The following BMAL2 variants were observed in gnomAD, a reference collection of about 807,000 sequenced individuals.
BMAL2 encodes basic helix-loop-helix ARNT-like protein 2.
the BMAL2 span, chr12:27,416,011 G>A: frequency 8.7e-7 from 1 of 1,146,336 alleles, no homozygotes; most frequent in Non-Finnish European, 1.3e-6. Context: ...GCCCCTTGTT[G>A]ATTATTTCTT....
the BMAL2 span, among the ~76,000 whole-genome samples, chr12:27,419,081 G>A: frequency 6.6e-6 from 1 of 151,718 alleles, no homozygotes. Context: ...TTAAAACCAA[G>A]GTATTTCTAT....
chr12:27,425,135 A>G, the BMAL2 span: 1 of 152,104 alleles, frequency 6.6e-6, no homozygotes, highest in Non-Finnish European at 1.5e-5. Context: ...TTTGTCTTTT[A>G]TACAATTTTT....
chr12:27,378,638 T>G, the BMAL2 span, among the ~76,000 whole-genome samples: 1 of 152,218 alleles, frequency 6.6e-6, no homozygotes, highest in African/African-American at 2.4e-5. Context: ...GGCCTATAAT[T>G]AGGGAATCTG....
chr12:27,347,283 G>A, the BMAL2 span, among the ~76,000 whole-genome samples: 6 of 152,106 alleles, frequency 3.9e-5, no homozygotes, highest in Non-Finnish European at 5.9e-5. Flanking sequence ...AAGATTACAC[G>A]CTGCATTTTC....
At chr12:27,373,492 A>T in the BMAL2 span, among the ~76,000 whole-genome samples, 1 of 152,148 alleles carries the variant, frequency 6.6e-6, no homozygotes, top group Non-Finnish European at 1.5e-5. Flanking sequence ...ACTTGAACTG[A>T]TGATGTGGGT....
chr12:27,390,460 A>T, the BMAL2 span: 15 of 481,750 alleles, frequency 3.1e-5, no homozygotes, highest in Non-Finnish European at 3.6e-5. Flanking sequence ...CCAAGATTTT[A>T]ATGGTGTTAT....
the BMAL2 span, chr12:27,380,250 A>G: frequency 1.9e-6 from 3 of 1,613,970 alleles, no homozygotes; most frequent in Non-Finnish European, 2.5e-6. Flanking sequence ...CTCTTAGAGA[A>G]GCTCATAGCC....
the BMAL2 span, among the ~76,000 whole-genome samples, chr12:27,405,124 C>G: frequency 6.6e-6 from 1 of 152,192 alleles, no homozygotes; most frequent in African/African-American, 2.4e-5. Flanking sequence ...TTGGAGCCCA[C>G]CGCAGCTCAA....
chr12:27,419,065 A>G, the BMAL2 span, among the ~76,000 whole-genome samples: 5 of 152,186 alleles, frequency 3.3e-5, no homozygotes, highest in Non-Finnish European at 7.3e-5. Context: ...TAAATACACA[A>G]TTTAATTAAA....
the BMAL2 span, among the ~76,000 whole-genome samples, chr12:27,366,051 G>C: frequency 1.2e-4 from 18 of 151,826 alleles, 1 homozygote; most frequent in Admixed American, 3.9e-4. Flanking sequence ...TTTTACATTT[G>C]AATTTCCTCT....
chr12:27,336,297 A>G, the BMAL2 span, among the ~76,000 whole-genome samples: 1 of 152,024 alleles, frequency 6.6e-6, no homozygotes, highest in Non-Finnish European at 1.5e-5. Context: ...TGGTTTTTGC[A>G]AGGTTACTAC....
the BMAL2 span, among the ~76,000 whole-genome samples, chr12:27,402,231 C>A: frequency 6.6e-6 from 1 of 151,858 alleles, no homozygotes; most frequent in Non-Finnish European, 1.5e-5. Flanking sequence ...CTGTAAGTTT[C>A]TCTTTGAAAT....
chr12:27,420,274 T>G, the BMAL2 span: 2 of 1,258,818 alleles, frequency 1.6e-6, no homozygotes, highest in Admixed American at 4.0e-5. Flanking sequence ...AAAATACATT[T>G]TATGGTTTTC....
At chr12:27,385,693 A>G in the BMAL2 span, 1 of 590,352 alleles carries the variant, frequency 1.7e-6, no homozygotes, top group Non-Finnish European at 2.9e-6. Flanking sequence ...CCTTTAATAT[A>G]GAAGTTTAAA....
chr12:27,387,408 C>T, the BMAL2 span: 18 of 853,818 alleles, frequency 2.1e-5, no homozygotes, highest in African/African-American at 2.5e-4. Context: ...ACACCTTCTC[C>T]CCACTGGGAT....
At chr12:27,389,933 T>G in the BMAL2 span, 2 of 583,132 alleles carry the variant, frequency 3.4e-6, no homozygotes, top group South Asian at 4.3e-5. Flanking sequence ...ATACATTTTT[T>G]GGGTATATTT....
the BMAL2 span, chr12:27,387,169 T>G: frequency 9.4e-7 from 1 of 1,063,406 alleles, no homozygotes; most frequent in Admixed American, 1.7e-5. Flanking sequence ...TGTGTGTGTG[T>G]GCGTGTGTAT....
the BMAL2 span, chr12:27,390,156 G>C: frequency 6.2e-7 from 1 of 1,613,994 alleles, no homozygotes; most frequent in Admixed American, 1.7e-5. Context: ...TCTGGCTCAA[G>C]ACGATCTTTT....
At chr12:27,385,762 G>C in the BMAL2 span, among the ~76,000 whole-genome samples, 1 of 152,132 alleles carries the variant, frequency 6.6e-6, no homozygotes. Context: ...CAGAGGATAG[G>C]CACTTTCCAC....
Sources: gnomAD v4.1 joint callset for allele counts (sites outside exome capture counted in the v4.1 genomes callset) on GRCh38, gnomAD v4.1.1 for gene constraint, MANE v1.5 for transcripts, NCBI Gene and HGNC (gene_info 2026-07-23, HGNC 2026-07-21) for gene names.